The following DCC variants were observed in gnomAD, a reference collection of about 807,000 sequenced individuals.
The protein encoded by DCC is DCC netrin 1 receptor.
A neutral mutation model predicts 172.5 loss-of-function variants in DCC; 58 were observed. The ratio of observed to expected loss-of-function variants is 0.34; its 90% CI spans 0.27 to 0.42. The LOEUF (loss-of-function observed/expected upper bound fraction) is 0.42, where lower values mean the gene tolerates loss of function less well. Ranked by LOEUF, DCC falls within the 10% of genes least tolerant of loss-of-function variation. The pLI is 1.00. For missense variants in DCC, 1,740 were observed against 1,791.0 expected (o/e 0.97, Z 0.51); for synonymous variants, 709 against 644.5 (o/e 1.10, Z -1.52).
At chr18:52,952,052 A>C (rs1371524110) in intron 5 of DCC, among the ~76,000 whole-genome samples, 2 of 152,194 alleles carry the variant, frequency 1.3e-5, no homozygotes, top group African/African-American at 4.8e-5. Context: ...TATTAGGGCT[A>C]ATCTAGCTTT....
At chr18:52,879,152 A>G (rs2039443616) in intron 2 of DCC, among the ~76,000 whole-genome samples, 1 of 152,192 alleles carries the variant, frequency 6.6e-6, no homozygotes, top group Non-Finnish European at 1.5e-5. Context: ...TAGAAATCAA[A>G]TTGGACCTAA....
At position 53,534,691 on chromosome 18, in the gene DCC, T is replaced by C. The variant is rs1228472764; in HGVS notation, c.*4038T>C. On this transcript the variant is annotated 3_prime_UTR_variant, in exon 29 of 29. Coordinates refer to ENST00000442544, the MANE Select transcript of DCC (RefSeq NM_005215.4). The stretch of plus-strand genomic sequence containing the variant: ...TTCCAATGCAAAATATATGTACCCA[T>C]GCCTCAATGTATCTTGCTATCTAAA... 1 of 152,188 alleles carries C rather than the reference T, an allele frequency of 6.6e-6. No individual in the cohort carries two copies. Among genetic ancestry groups the C allele is most frequent in the Non-Finnish European group, 1.5e-5 (1 of 68,034 alleles). The allele number at this position is 152,188 out of a possible 1,614,324, so 9.4% of individuals were successfully genotyped here. A position where few individuals can be genotyped will look rare whatever the true frequency, so the allele number is the denominator to read the frequency against.
At chr18:52,700,234 T>TG (rs2036091587) in intron 1 of DCC, among the ~76,000 whole-genome samples, 1 of 115,292 alleles carries the variant, frequency 8.7e-6, no homozygotes, top group Non-Finnish European at 1.8e-5. Flanking sequence ...ACATGCACAC[T>TG]CACATGCACA....
At chr18:52,693,501 A>C (rs2035964509) in intron 1 of DCC, among the ~76,000 whole-genome samples, 2 of 149,636 alleles carry the variant, frequency 1.3e-5, no homozygotes, top group Non-Finnish European at 3.0e-5. Context: ...AACATAATAC[A>C]ATACAATATA....
chr18:53,107,877 G>A (rs1372938779), intron 7 of DCC, among the ~76,000 whole-genome samples: 1 of 151,598 alleles, frequency 6.6e-6, no homozygotes, highest in East Asian at 1.9e-4. Context: ...CTTATCCATT[G>A]TTTTCTATTA....
chr18:52,367,825 T>A (rs907792009), intron 1 of DCC, among the ~76,000 whole-genome samples: 9 of 152,264 alleles, frequency 5.9e-5, no homozygotes, highest in African/African-American at 2.2e-4. Context: ...CATAGGCAAG[T>A]CTGCAAGTGT....
chr18:53,234,748 A>G (rs2056176967), intron 12 of DCC, among the ~76,000 whole-genome samples: 1 of 152,212 alleles, frequency 6.6e-6, no homozygotes. Context: ...GATTATATCA[A>G]AAGAAAACAC....
At chr18:53,505,322 T>C (rs2046158164) in intron 27 of DCC, 1 of 151,738 alleles carries the variant, frequency 6.6e-6, no homozygotes, top group Non-Finnish European at 1.5e-5. Flanking sequence ...TGGCCAAGGC[T>C]TTAGAAACAA....
At chr18:52,566,724 C>T (rs901166480) in intron 1 of DCC, among the ~76,000 whole-genome samples, 11 of 151,904 alleles carry the variant, frequency 7.2e-5, no homozygotes, top group Admixed American at 2.6e-4. Context: ...CTGAAGAAGG[C>T]CTAAAAAATG....
intron 2 of DCC, among the ~76,000 whole-genome samples, chr18:52,778,854 A>G (rs996445893): frequency 6.6e-6 from 1 of 152,170 alleles, no homozygotes; most frequent in Non-Finnish European, 1.5e-5. Context: ...ATATGATAGG[A>G]GATAGGGTTG....
At position 53,194,735 on chromosome 18, in the gene DCC, G is replaced by A. The variant is rs1282131522; in HGVS notation, c.1574-10481G>A. On this transcript the variant is annotated intron_variant, in intron 9 of 28. Transcript: ENST00000442544. ...TCCACTCACCTTGGCCTCCCAAAGT[G>A]CTGGGATTACAGGTGTGAGCCACCA... Among the ~76,000 whole-genome samples, 3 of 152,284 alleles carry A rather than the reference G, an allele frequency of 2.0e-5. No homozygotes were observed. The East Asian group carries it at 5.8e-4, about 29-fold the overall frequency.
intron 27 of DCC, 112 bp downstream of exon 27, chr18:53,499,622 T>C (rs1321304788): frequency 1.1e-6 from 1 of 901,810 alleles, no homozygotes; most frequent in African/African-American, 1.6e-5. Flanking sequence ...TCAATGCTGA[T>C]TACATGCCCA....
chr18:53,339,646 A>G lies in DCC; in HGVS notation c.2165-67A>G. 3 of 1,187,582 alleles carry G rather than the reference A, an allele frequency of 2.5e-6. No homozygotes were observed. In the South Asian group the frequency reaches 3.6e-5, roughly 14 times the overall value. 73.6% of individuals were successfully genotyped at this position (1,187,582 alleles called of 1,614,324 possible). A position where few individuals can be genotyped will look rare whatever the true frequency, so the allele number is the denominator to read the frequency against. ...ATGAAATATGATTTCTCTTGCTTAAATGGTGTTCTGCCGTGCTACATTTTC... is the reference window on the plus strand; with the variant it reads ...ATGAAATATGATTTCTCTTGCTTAAGTGGTGTTCTGCCGTGCTACATTTTC... On this transcript the variant is annotated intron_variant, in intron 14 of 28. Transcript: ENST00000442544.
At chr18:52,793,228 T>C (rs1034270814) in intron 2 of DCC, among the ~76,000 whole-genome samples, 3 of 152,178 alleles carry the variant, frequency 2.0e-5, no homozygotes, top group Non-Finnish European at 4.4e-5. Context: ...ATTGGCACCA[T>C]CTTGTCTGTT....
intron 12 of DCC, among the ~76,000 whole-genome samples, chr18:53,254,920 G>A (rs887030841): frequency 2.6e-5 from 4 of 151,924 alleles, no homozygotes; most frequent in Admixed American, 2.6e-4. Flanking sequence ...CACACCTTAG[G>A]GACTACATAT....
chr18:52,838,190 T>G (rs1217292603), intron 2 of DCC, among the ~76,000 whole-genome samples: 1 of 152,200 alleles, frequency 6.6e-6, no homozygotes, highest in African/African-American at 2.4e-5. Flanking sequence ...ACTCTCTATT[T>G]GTCCTTATTT....
chr18:53,422,235 A>C (rs1373516691), intron 21 of DCC, among the ~76,000 whole-genome samples: 1 of 152,172 alleles, frequency 6.6e-6, no homozygotes. Flanking sequence ...CAATTAACTT[A>C]CTTTCAAAAC....
chr18:53,521,037 A>G (rs1176485000), intron 27 of DCC, among the ~76,000 whole-genome samples: 1 of 152,070 alleles, frequency 6.6e-6, no homozygotes, highest in Non-Finnish European at 1.5e-5. Flanking sequence ...ATTCTCTTCA[A>G]CAAAATAAAA....
intron 1 of DCC, chr18:52,419,373 C>T (rs1166469075): frequency 1.3e-5 from 2 of 152,132 alleles, no homozygotes; most frequent in Non-Finnish European, 2.9e-5. Flanking sequence ...GCACATACCT[C>T]TGCCCACTCT....
Sources: gnomAD v4.1 joint callset for allele counts (sites outside exome capture counted in the v4.1 genomes callset) on GRCh38, gnomAD v4.1.1 for gene constraint, MANE v1.5 for transcripts, NCBI Gene and HGNC (gene_info 2026-07-23, HGNC 2026-07-21) for gene names.